Variants in COL24A1 observed in about 807,000 individuals in gnomAD.
COL24A1 encodes collagen alpha-1(XXIV) chain.
Under a neutral mutation model 253.9 loss-of-function variants are expected in COL24A1, and 224 were observed. The ratio of observed to expected loss-of-function variants is 0.88; its 90% CI spans 0.79 to 0.99. COL24A1 has a LOEUF of 0.99. Ranked by LOEUF, COL24A1 falls within the 50% of genes least tolerant of loss-of-function variation. The pLI is 0.00. For synonymous variants in COL24A1, 685 were observed against 673.7 expected, an observed-to-expected ratio of 1.02 and a Z score of -0.26; for missense variants, 2,131 against 2,068.5, an observed-to-expected ratio of 1.03 and a Z score of -0.59.
chr1:86,076,187 T>TGCTAA (rs1294325016), intron 7 of COL24A1, among the ~76,000 whole-genome samples: 1 of 152,172 alleles, frequency 6.6e-6, no homozygotes, highest in Admixed American at 6.5e-5. Flanking sequence ...ATAAGCAGCT[T>TGCTAA]CAGCAAAGTC....
intron 24 of COL24A1, among the ~76,000 whole-genome samples, chr1:85,912,707 G>A (rs1685492276): frequency 6.6e-6 from 1 of 152,184 alleles, no homozygotes; most frequent in Admixed American, 6.5e-5. Context: ...AGATGAGGCA[G>A]ATGAATTAAA....
At chr1:86,068,108 G>A (rs952178909) in intron 7 of COL24A1, among the ~76,000 whole-genome samples, 2 of 152,190 alleles carry the variant, frequency 1.3e-5, no homozygotes, top group Non-Finnish European at 2.9e-5. Context: ...AGAAGCTTAC[G>A]CTATTCGTCC....
At chr1:85,791,024 C>T (rs187591006) in intron 47 of COL24A1, among the ~76,000 whole-genome samples, 4 of 152,218 alleles carry the variant, frequency 2.6e-5, no homozygotes, top group Admixed American at 1.3e-4. Flanking sequence ...AGGAAAATCC[C>T]TTATTGATGA....
At chr1:85,969,160 C>G (rs1379635803) in intron 22 of COL24A1, among the ~76,000 whole-genome samples, 4 of 152,064 alleles carry the variant, frequency 2.6e-5, no homozygotes. Flanking sequence ...TTATTGGGCT[C>G]AAATACCAGT....
At chr1:85,732,388 C>T (rs1431997874) in intron 59 of COL24A1, among the ~76,000 whole-genome samples, 1 of 152,054 alleles carries the variant, frequency 6.6e-6, no homozygotes, top group South Asian at 2.1e-4. Context: ...TGCCACCACG[C>T]CCGGCTAATT....
chr1:86,135,590 C>A (rs989172146), intron 2 of COL24A1, among the ~76,000 whole-genome samples: 1 of 151,866 alleles, frequency 6.6e-6, no homozygotes, highest in East Asian at 1.9e-4. Flanking sequence ...CAAAGTATAA[C>A]TTCCCTTTGT....
chr1:85,757,358 A>T (rs1247553685), intron 55 of COL24A1, among the ~76,000 whole-genome samples: 1 of 150,928 alleles, frequency 6.6e-6, no homozygotes, highest in Non-Finnish European at 1.5e-5. Context: ...ATGTGTAATT[A>T]AAAAAACTGA....
chr1:86,011,528 C>A (rs952723949), intron 19 of COL24A1, among the ~76,000 whole-genome samples: 1 of 152,152 alleles, frequency 6.6e-6, no homozygotes, highest in Admixed American at 6.5e-5. Context: ...TACTATAAAA[C>A]TTGTGCTTTT....
intron 31 of COL24A1, 26 bp from the exon 32 acceptor site, chr1:85,889,639 A>G: frequency 6.2e-7 from 1 of 1,604,318 alleles, no homozygotes; most frequent in Non-Finnish European, 8.5e-7. Context: ...CAATACTTGT[A>G]GGAAAAGTGG....
At chr1:86,040,591 C>A (rs1699405042) in intron 12 of COL24A1, among the ~76,000 whole-genome samples, 1 of 151,482 alleles carries the variant, frequency 6.6e-6, no homozygotes, top group African/African-American at 2.4e-5. Flanking sequence ...TGGACTTCCT[C>A]CAAATTATAA....
intron 47 of COL24A1, among the ~76,000 whole-genome samples, chr1:85,803,536 T>C (rs1405458995): frequency 6.6e-6 from 1 of 151,640 alleles, no homozygotes; most frequent in Non-Finnish European, 1.5e-5. Context: ...ATTTAGGACT[T>C]CTGTAATTTC....
chr1:85,768,592 GGA>G (rs1667632243), intron 53 of COL24A1, among the ~76,000 whole-genome samples: 1 of 143,552 alleles, frequency 7.0e-6, no homozygotes, highest in Non-Finnish European at 1.5e-5. Context: ...TTGTGCGGGG[GGA>G]GGGCTTATTT....
intron 37 of COL24A1, among the ~76,000 whole-genome samples, chr1:85,852,316 T>C (rs1677865999): frequency 6.6e-6 from 1 of 152,216 alleles, no homozygotes. Context: ...TATTTGTGAA[T>C]GAGTATGGCA....
chr1:85,948,924 C>T (rs1005247509), intron 24 of COL24A1, among the ~76,000 whole-genome samples: 5 of 151,922 alleles, frequency 3.3e-5, no homozygotes, highest in African/African-American at 1.2e-4. Context: ...AGATGTACAA[C>T]ATTAAAAAAT....
chr1:86,125,213 C>T lies in COL24A1; in HGVS notation c.1123G>A (p.Asp375Asn). ...CTATCATCATGTTGTGTGATATTGT[C>T]AGACATGTTTAGGAGAGAGCTAAAT... Reference protein sequence around the residue: ...EKFSSLLNMSDNITQHDDRVT... With the variant: ...EKFSSLLNMSNNITQHDDRVT... Residue 375 changes from aspartate (D) to asparagine (N), a missense_variant, in exon 3 of 60, where the codon GAC (aspartate) becomes AAC (asparagine). Asp to Asn is a conservative substitution (Grantham distance 23, BLOSUM62 1). Coordinates refer to ENST00000370571, the MANE Select transcript of COL24A1 (RefSeq NM_152890.7). 1 of 1,613,526 alleles carries T rather than the reference C, an allele frequency of 6.2e-7. No individual in the cohort carries two copies. Among genetic ancestry groups the T allele is most frequent in the Non-Finnish European group, 8.5e-7 (1 of 1,179,744 alleles).
At chr1:85,895,993 C>T in intron 30 of COL24A1, 28 bp downstream of exon 30, 1 of 1,603,850 alleles carries the variant, frequency 6.2e-7, no homozygotes, top group Non-Finnish European at 8.5e-7. Flanking sequence ...AAATGTTCAT[C>T]TTTAATGTGA....
At chr1:86,121,830 T>C (rs1647402907) in intron 3 of COL24A1, among the ~76,000 whole-genome samples, 1 of 152,142 alleles carries the variant, frequency 6.6e-6, no homozygotes, top group Non-Finnish European at 1.5e-5. Flanking sequence ...GAGGTCTTTC[T>C]ATAATCTTCA....
At chr1:85,810,072 A>G (rs1672377088) in intron 47 of COL24A1, among the ~76,000 whole-genome samples, 2 of 112,476 alleles carry the variant, frequency 1.8e-5, no homozygotes, top group Non-Finnish European at 1.9e-5. Flanking sequence ...AGAACTGGCT[A>G]TGACCCCTGC....
At chr1:86,112,760 C>A in intron 4 of COL24A1, 140 bp from the exon 5 acceptor site, 1 of 640,228 alleles carries the variant, frequency 1.6e-6, no homozygotes, top group Non-Finnish European at 2.5e-6. Flanking sequence ...CCTTAAAGAC[C>A]TACTTACTTC....
Sources: allele counts gnomAD v4.1 joint callset (sites outside exome capture counted in the v4.1 genomes callset), GRCh38; gene constraint gnomAD v4.1.1; transcripts MANE v1.5; gene names NCBI Gene and HGNC (gene_info 2026-07-23, HGNC 2026-07-21).